PRR5: variants seen among roughly 807,000 people sequenced by gnomAD.
PRR5 encodes the protein proline rich 5, also known as proline-rich protein 5.
A neutral mutation model predicts 30.6 loss-of-function variants in PRR5; 25 were observed. That is an observed-to-expected ratio of 0.82 (90% CI 0.60 to 1.14). The LOEUF (loss-of-function observed/expected upper bound fraction) is 1.14, where lower values mean the gene tolerates loss of function less well. Among genes scored for constraint, PRR5 ranks in the 50% most tolerant of loss-of-function variants. The probability of loss-of-function intolerance (pLI) is 0.00; values close to 1 mark genes in which losing one functional copy is unlikely to be tolerated. For synonymous variants in PRR5, 286 were observed against 247.1 expected (o/e 1.16, Z -1.48); for missense variants, 600 against 547.1 (o/e 1.10, Z -0.96).
rs140565121 is a variant in PRR5 at position 44,726,548 on chromosome 22, G to A, written c.265-29G>A. 4.8e-5 allele frequency: 77 copies of A among 1,613,864 alleles called. 1 individual carries two copies. Among genetic ancestry groups the A allele is most frequent in the African/African-American group, 3.5e-4 (26 of 75,070 alleles). On this transcript the variant is annotated intron_variant, in intron 3 of 7. Coordinates refer to ENST00000336985, the MANE Select transcript of PRR5 (RefSeq NM_181333.4). ...GACACCCCCGGGCATCCACAAGGGC[G>A]GTGACAGCCCCTCTGTGTTTACCTT... is the stretch of plus-strand genomic sequence containing the variant.
chr22:44,692,992 G>T (rs1925418918), intron 1 of PRR5, among the ~76,000 whole-genome samples: 1 of 152,182 alleles, frequency 6.6e-6, no homozygotes, highest in African/African-American at 2.4e-5. Context: ...TAGAGGGAAT[G>T]AGGGTGTCTC....
At chr22:44,693,293 G>A (rs1247360302) in intron 1 of PRR5, among the ~76,000 whole-genome samples, 1 of 152,020 alleles carries the variant, frequency 6.6e-6, no homozygotes, top group Non-Finnish European at 1.5e-5. Context: ...GAAAGACCCT[G>A]TCTCTACCAA....
intron 6 of PRR5, chr22:44,734,786 A>G: frequency 1.7e-6 from 1 of 587,812 alleles, no homozygotes; most frequent in East Asian, 2.9e-5. Context: ...GCCTTTTTCC[A>G]GGGCACACCA....
chr22:44,688,722 TCA>T (rs767390090), intron 1 of PRR5, among the ~76,000 whole-genome samples: 14 of 152,156 alleles, frequency 9.2e-5, no homozygotes, highest in Admixed American at 3.3e-4. Flanking sequence ...GCAGTGTGGC[TCA>T]CGCCTGTAAT....
intron 1 of PRR5, chr22:44,679,790 A>T: frequency 6.3e-7 from 1 of 1,592,406 alleles, no homozygotes; most frequent in Non-Finnish European, 8.5e-7. Flanking sequence ...TGGTCAGAAG[A>T]CATAGAGCCA....
In PRR5 at chr22:44,725,312, G is replaced by C. The variant is rs201231073; in HGVS notation, c.264+20G>C. On this transcript the variant is annotated intron_variant, in intron 3 of 7. Transcript: ENST00000336985. ...CTGCAGGTAGGTGGGTCTTGCTCCA[G>C]CCAGGCTGGGCCTGCCTCATGAGCC... is the stretch of plus-strand genomic sequence containing the variant. 9 of 1,611,940 alleles carry C rather than the reference G, an allele frequency of 5.6e-6. No individual in the cohort carries two copies. Among genetic ancestry groups the C allele is most frequent in the Non-Finnish European group, 7.6e-6 (9 of 1,179,896 alleles).
At chr22:44,677,046 A>C (rs1923824370), upstream of PRR5, 1 of 152,288 alleles carries the variant, frequency 6.6e-6, no homozygotes, top group Admixed American at 6.5e-5. Context: ...ACGCCTCCTA[A>C]TGTGTAAGCC....
At chr22:44,678,237 T>A (rs1231427787) in intron 1 of PRR5, among the ~76,000 whole-genome samples, 5 of 151,802 alleles carry the variant, frequency 3.3e-5, no homozygotes, top group African/African-American at 9.7e-5. Flanking sequence ...ACTCTCAGCC[T>A]TCTCTCCTCT....
At chr22:44,674,761 A>T (rs926155407), upstream of PRR5, among the ~76,000 whole-genome samples, 2 of 151,576 alleles carry the variant, frequency 1.3e-5, no homozygotes, top group African/African-American at 4.8e-5. Context: ...CCTGGCCAAC[A>T]TGGTGAAACC....
At chr22:44,705,120 C>T (rs761539439) in intron 1 of PRR5, among the ~76,000 whole-genome samples, 2 of 152,166 alleles carry the variant, frequency 1.3e-5, no homozygotes, top group African/African-American at 2.4e-5. Flanking sequence ...ACCACAAACT[C>T]GGTGGCCTAA....
chr22:44,677,426 T>C (rs947122248), intron 1 of PRR5, among the ~76,000 whole-genome samples: 8 of 152,230 alleles, frequency 5.3e-5, no homozygotes, highest in African/African-American at 1.9e-4. Flanking sequence ...GAATCAGGAC[T>C]AGGGTGTCTG....
In PRR5 at chr22:44,680,502, C is replaced by T. The variant is rs116125800; in HGVS notation, c.-11+3262C>T. ...AGCAAGGGGTCCTGCCACAGCCCAG[C>T]GAGGAGGTGGGCATCCCAGAGCCGC... is the stretch of plus-strand genomic sequence containing the variant. On this transcript the variant is annotated intron_variant, in intron 1 of 8. Transcript: ENST00000006251. Among the ~76,000 whole-genome samples, 1,349 of 152,254 alleles carry T rather than the reference C, an allele frequency of 8.9e-3. 33 individuals carry two copies. Among genetic ancestry groups the T allele is most frequent in the African/African-American group, 0.031 (1,276 of 41,556 alleles).
At chr22:44,729,997 T>C (rs1399836170) in intron 4 of PRR5, 1 of 985,274 alleles carries the variant, frequency 1.0e-6, no homozygotes, top group African/African-American at 1.7e-5. Context: ...CTGGCCCCCA[T>C]CACCCTCAGA....
upstream of PRR5, among the ~76,000 whole-genome samples, chr22:44,675,762 G>GTTTATTATTA (rs1555894616): frequency 3.5e-5 from 5 of 142,962 alleles, no homozygotes; most frequent in Non-Finnish European, 6.0e-5. Context: ...TGTTGCTGTT[G>GTTTATTATTA]TTATTATTAT....
At chr22:44,725,924 C>A (rs1343972044) in intron 3 of PRR5, among the ~76,000 whole-genome samples, 1 of 152,214 alleles carries the variant, frequency 6.6e-6, no homozygotes, top group Non-Finnish European at 1.5e-5. Context: ...CTCAGCCTCC[C>A]AAAGTGCTGG....
In PRR5 at chr22:44,736,915, C is replaced by T. The variant is rs867319528; in HGVS notation, c.835C>T (p.Arg279Cys). Residue 279 changes from arginine (R) to cysteine (C), a missense_variant, in exon 8 of 8, where the codon CGC (arginine) becomes TGC (cysteine). Arg to Cys is a radical substitution (Grantham distance 180, BLOSUM62 -3). Transcript: ENST00000336985. ...CGCGGCGGCCGGCGGTACCAGCATC[C>T]GCAGGCACTCTGTGTCGGAGATGAC... Reference protein sequence around the residue: ...EGAAAGGTSIRRHSVSEMTSC... With the variant: ...EGAAAGGTSICRHSVSEMTSC... The T allele has an allele frequency of 4.4e-6, 7 of 1,608,156 alleles. No individual in the cohort carries two copies. Among genetic ancestry groups the T allele is most frequent in the South Asian group, 1.1e-5 (1 of 91,002 alleles).
At chr22:44,702,748 G>T (rs983774054) in intron 1 of PRR5, 140 bp downstream of exon 1, 9 of 1,190,640 alleles carry the variant, frequency 7.6e-6, no homozygotes, top group African/African-American at 3.2e-5. Flanking sequence ...CAAAGAACTT[G>T]CCCCGCCGGA....
chr22:44,690,749 C>A (rs767427264), intron 1 of PRR5, among the ~76,000 whole-genome samples: 4 of 152,062 alleles, frequency 2.6e-5, no homozygotes, highest in Non-Finnish European at 5.9e-5. Context: ...ATAACCCAGC[C>A]GGAGGATGAG....
chr22:44,713,433 A>G (rs2147073605), intron 1 of PRR5, among the ~76,000 whole-genome samples: 1 of 152,084 alleles, frequency 6.6e-6, no homozygotes, highest in Non-Finnish European at 1.5e-5. Flanking sequence ...GGGTTTTGCC[A>G]TGTTGGCCAG....
Sources: allele counts gnomAD v4.1 joint callset (sites outside exome capture counted in the v4.1 genomes callset), GRCh38; gene constraint gnomAD v4.1.1; transcripts MANE v1.5; gene names NCBI Gene and HGNC (gene_info 2026-07-23, HGNC 2026-07-21).